Variants in RGL1 observed in about 807,000 individuals in gnomAD.
RGL1 encodes the protein ral guanine nucleotide dissociation stimulator-like 1.
In RGL1, 24 loss-of-function variants were observed where a neutral mutation model predicts 95.2. The ratio of observed to expected loss-of-function variants is 0.25; its 90% CI spans 0.18 to 0.35. The LOEUF (loss-of-function observed/expected upper bound fraction) is 0.35. RGL1 is among the 10% of genes least tolerant of loss of function. RGL1 has a pLI of 1.00. For synonymous variants in RGL1, 329 were observed against 344.9 expected, an observed-to-expected ratio of 0.95 and a Z score of 0.51; for missense variants, 715 against 936.3, an observed-to-expected ratio of 0.76 and a Z score of 3.08.
intron 2 of RGL1, among the ~76,000 whole-genome samples, chr1:183,846,955 A>G (rs1290393392): frequency 6.6e-6 from 1 of 152,202 alleles, no homozygotes; most frequent in Non-Finnish European, 1.5e-5. Flanking sequence ...TCCTGGTATC[A>G]TTAAAAATGC....
intron 1 of RGL1, among the ~76,000 whole-genome samples, chr1:183,740,833 A>G (rs1657249555): frequency 6.6e-6 from 1 of 152,238 alleles, no homozygotes; most frequent in Non-Finnish European, 1.5e-5. Flanking sequence ...GATTGAATTA[A>G]TGATTCATAA....
chr1:183,915,326 C>T (rs11800469), intron 15 of RGL1, among the ~76,000 whole-genome samples: 2,347 of 152,168 alleles, frequency 0.015, 80 homozygotes, highest in African/African-American at 0.054. Flanking sequence ...TAAGTCATTC[C>T]GGGAAATTCT....
chr1:183,718,597 C>T (rs996343327), intron 1 of RGL1, among the ~76,000 whole-genome samples: 15 of 152,240 alleles, frequency 9.9e-5, no homozygotes, highest in African/African-American at 3.6e-4. Context: ...TCCACTACTA[C>T]TGGTCGTGTG....
rs1213084874 is a variant in RGL1, at chr1:183,927,952, G to C, written c.*1660G>C. ...CGGCAATGGACCGAAGAACGGGCCAGGAAGTCCTCCAATTTCCTTTGGTCT... is the reference window on the plus strand; with the variant it reads ...CGGCAATGGACCGAAGAACGGGCCACGAAGTCCTCCAATTTCCTTTGGTCT... On this transcript the variant is annotated 3_prime_UTR_variant, in exon 18 of 18. Coordinates refer to ENST00000360851, the MANE Select transcript of RGL1 (RefSeq NM_001297671.3). The C allele has an allele frequency of 1.3e-5, 2 of 152,562 alleles. No homozygotes were observed. The highest frequency in any genetic ancestry group is 2.9e-5 in the Non-Finnish European group (2 of 68,024). The allele number at this position is 152,562 out of a possible 1,614,324, so 9.5% of individuals were successfully genotyped here.
intron 3 of RGL1, among the ~76,000 whole-genome samples, chr1:183,853,357 A>G (rs1558249950): frequency 1.3e-5 from 2 of 152,160 alleles, no homozygotes; most frequent in South Asian, 2.1e-4. Flanking sequence ...CAGAATGCCA[A>G]CAAGAACCAG....
intron 2 of RGL1, among the ~76,000 whole-genome samples, chr1:183,766,544 T>C (rs1328825108): frequency 6.6e-6 from 1 of 152,200 alleles, no homozygotes; most frequent in South Asian, 2.1e-4. Context: ...ACTCAAATTA[T>C]TGACTAAATT....
At chr1:183,811,594 A>G (rs1661716165) in intron 2 of RGL1, among the ~76,000 whole-genome samples, 1 of 152,228 alleles carries the variant, frequency 6.6e-6, no homozygotes, top group African/African-American at 2.4e-5. Flanking sequence ...TAAAATTATT[A>G]ATCCACTGAT....
chr1:183,734,493 T>C (rs1656814232), intron 1 of RGL1, among the ~76,000 whole-genome samples: 1 of 152,174 alleles, frequency 6.6e-6, no homozygotes, highest in Non-Finnish European at 1.5e-5. Flanking sequence ...TGGAGAGGGT[T>C]GTGTTGTCAA....
rs1257414266 is a variant in RGL1 at position 183,704,206 on chromosome 1, T to A, written c.-32-37920T>A. The stretch of plus-strand genomic sequence containing the variant: ...GTTTGGTGGCCTCTGCAATGAATGA[T>A]GGCAACTTTCTGTGGGAGCCTGGCA... On this transcript the variant is annotated intron_variant, in intron 1 of 18. Coordinates refer to the RGL1 transcript ENST00000304685. 9.9e-5 allele frequency among the ~76,000 whole-genome samples: 15 copies of A among 152,188 alleles called. 1 individual carries two copies. The highest frequency in any genetic ancestry group is 1.5e-4 in the Non-Finnish European group (10 of 68,036).
At chr1:183,902,473 A>T in intron 11 of RGL1, 95 bp from the exon 12 acceptor site, 1 of 907,566 alleles carries the variant, frequency 1.1e-6, no homozygotes, top group Admixed American at 2.6e-5. Flanking sequence ...TGACTTTATC[A>T]CCCCTTTGAT....
intron 3 of RGL1, among the ~76,000 whole-genome samples, chr1:183,849,790 T>A (rs933360130): frequency 3.4e-4 from 52 of 152,252 alleles, no homozygotes; most frequent in Middle Eastern, 3.4e-3. Flanking sequence ...GCCCAGCAAA[T>A]TTGTTTTTTA....
chr1:183,794,813 T>A (rs1330970321), intron 2 of RGL1, among the ~76,000 whole-genome samples: 1 of 152,220 alleles, frequency 6.6e-6, no homozygotes, highest in Non-Finnish European at 1.5e-5. Flanking sequence ...AATTACCTGG[T>A]CCTTTAAGAG....
intron 10 of RGL1, among the ~76,000 whole-genome samples, chr1:183,899,883 C>T (rs1667917303): frequency 6.6e-6 from 1 of 152,252 alleles, no homozygotes; most frequent in African/African-American, 2.4e-5. Context: ...CAAAGCAAAA[C>T]ATAAACCCCA....
At chr1:183,696,588 C>T (rs2102128364) in intron 1 of RGL1, among the ~76,000 whole-genome samples, 1 of 152,264 alleles carries the variant, frequency 6.6e-6, no homozygotes, top group African/African-American at 2.4e-5. Flanking sequence ...TGACAACTCC[C>T]AAATTTATAT....
chr1:183,691,369 C>A (rs1653936157), intron 1 of RGL1, among the ~76,000 whole-genome samples: 1 of 152,144 alleles, frequency 6.6e-6, no homozygotes, highest in South Asian at 2.1e-4. Context: ...GAGTGTTACG[C>A]TATCACATGC....
At position 183,916,499 on chromosome 1, in the gene RGL1, C is replaced by T; in HGVS notation, c.1802C>T (p.Ser601Phe). 3 of 1,613,992 alleles carry T rather than the reference C, an allele frequency of 1.9e-6. No individual in the cohort carries two copies. The highest frequency in any genetic ancestry group is 1.7e-4 in the Middle Eastern group (1 of 6,060). Reference protein sequence around the residue: ...CSSIHSMDTNSSGMSSLINPL... With the variant: ...CSSIHSMDTNFSGMSSLINPL... ...TCTATCCATTCCATGGACACAAATT[C>T]CTCAGGGATGTCTTCCTTAATCAAC... The change falls in exon 16 of 18, where the codon TCC becomes TTC. Residue 601 changes from serine to phenylalanine, a missense_variant. Coordinates refer to ENST00000360851, the MANE Select transcript of RGL1 (RefSeq NM_001297671.3).
intron 1 of RGL1, among the ~76,000 whole-genome samples, chr1:183,688,917 G>C (rs1382310205): frequency 6.6e-6 from 1 of 152,092 alleles, no homozygotes; most frequent in East Asian, 1.9e-4. Context: ...AGAGGTTTAC[G>C]AAGCCAGCAG....
intron 3 of RGL1, among the ~76,000 whole-genome samples, chr1:183,848,575 T>G (rs1664604490): frequency 6.6e-6 from 1 of 152,192 alleles, no homozygotes; most frequent in South Asian, 2.1e-4. Context: ...TTGATGTTTG[T>G]TAACTAAATT....
At position 183,884,711 on chromosome 1, in the gene RGL1, C is replaced by T. The variant is rs1457819656; in HGVS notation, c.736-12C>T. 6.2e-7 allele frequency: 1 copy of T among 1,612,426 alleles called. No homozygotes were observed. Among genetic ancestry groups the T allele is most frequent in the Non-Finnish European group, 8.5e-7 (1 of 1,178,670 alleles). ...TGTGTTGTCCTTAAAGTCAGTTCCT[C>T]TTTTGTTCCAGCAACTCTTCAAGAA... On this transcript the variant is annotated splice_polypyrimidine_tract_variant and intron_variant, in intron 6 of 17. Coordinates refer to ENST00000360851, the MANE Select transcript of RGL1 (RefSeq NM_001297671.3).
Sources: gnomAD v4.1 joint callset for allele counts (sites outside exome capture counted in the v4.1 genomes callset) on GRCh38, gnomAD v4.1.1 for gene constraint, MANE v1.5 for transcripts, NCBI Gene and HGNC (gene_info 2026-07-23, HGNC 2026-07-21) for gene names.